Variants in TLE1 observed in about 807,000 individuals in gnomAD.
The protein encoded by TLE1 is transducin-like enhancer protein 1.
In TLE1, 21 loss-of-function variants were observed where a neutral mutation model predicts 89.8. The observed-to-expected ratio is 0.23, with a 90% CI of 0.17 to 0.34. TLE1 has a LOEUF of 0.34. Among genes scored for constraint, TLE1 ranks in the 10% least tolerant of loss-of-function variants. The probability of loss-of-function intolerance (pLI) is 1.00; values close to 1 mark genes in which losing one functional copy is unlikely to be tolerated. For synonymous variants in TLE1, 447 were observed against 407.6 expected (o/e 1.10, Z -1.16); for missense variants, 795 against 1,031.2 (o/e 0.77, Z 3.14).
At chr9:81,644,458 G>T (rs1422550674) in intron 6 of TLE1, among the ~76,000 whole-genome samples, 2 of 152,138 alleles carry the variant, frequency 1.3e-5, no homozygotes, top group Non-Finnish European at 2.9e-5. Context: ...AAGAAGCCAG[G>T]CATACAAGGC....
intron 4 of TLE1, among the ~76,000 whole-genome samples, chr9:81,659,571 G>T (rs1830526712): frequency 6.6e-6 from 1 of 152,112 alleles, no homozygotes; most frequent in Admixed American, 6.6e-5. Flanking sequence ...TTTCTTCATG[G>T]ATGGCCACCA....
At position 81,620,564 on chromosome 9, in the gene TLE1, G is replaced by A; in HGVS notation, c.595-7C>T. ...GGACCAGGAGGGAATTACTCTGCAAGACAAAAAAATTAATCAAAGATTTCT... is the reference window on the plus strand; with the variant it reads ...GGACCAGGAGGGAATTACTCTGCAAAACAAAAAAATTAATCAAAGATTTCT... On this transcript the variant is annotated splice_region_variant and splice_polypyrimidine_tract_variant and intron_variant, in intron 8 of 19. Coordinates refer to ENST00000376499, the MANE Select transcript of TLE1 (RefSeq NM_005077.5). 1 of 1,600,802 alleles carries A rather than the reference G, an allele frequency of 6.2e-7. No individual in the cohort carries two copies. The highest frequency in any genetic ancestry group is 1.1e-5 in the South Asian group (1 of 87,930).
chr9:81,672,566 A>G (rs1832366161), intron 4 of TLE1, among the ~76,000 whole-genome samples: 1 of 151,914 alleles, frequency 6.6e-6, no homozygotes, highest in African/African-American at 2.4e-5. Flanking sequence ...GAAGAAAGAC[A>G]GCACCACAAC....
At position 81,593,274 on chromosome 9, in the gene TLE1, A is replaced by G. The variant is rs1829788967; in HGVS notation, c.1332T>C (p.Pro444=). 1 of 1,603,064 alleles carries G rather than the reference A, an allele frequency of 6.2e-7. No individual in the cohort carries two copies. The highest frequency in any genetic ancestry group is 8.5e-7 in the Non-Finnish European group (1 of 1,170,958). ...PNLAGIPGGK[P]AYSFHVTADG... ...CTGCAGTAACGTGGAAGGAGTATGC[A>G]CTTTTGGAAAAACGATTGGAGAGAA... Residue 444 remains proline, a splice_region_variant and synonymous_variant, in exon 15 of 20, where the codon CCT becomes CCC. Transcript: ENST00000376499.
intron 6 of TLE1, among the ~76,000 whole-genome samples, chr9:81,649,150 G>T (rs758556815): frequency 7.9e-5 from 12 of 152,162 alleles, no homozygotes; most frequent in Non-Finnish European, 2.9e-5. Context: ...AGTCTCTCCA[G>T]TATCAAATAC....
intron 14 of TLE1, 143 bp from the exon 15 acceptor site, chr9:81,593,417 T>C (rs1323687176): frequency 8.4e-7 from 1 of 1,184,742 alleles, no homozygotes; most frequent in Non-Finnish European, 1.2e-6. Flanking sequence ...TCAATACAAA[T>C]TGAAGCATTT....
chr9:81,620,618 C>T (rs1825113672), intron 8 of TLE1, 61 bp from the exon 9 acceptor site: 1 of 1,569,590 alleles, frequency 6.4e-7, no homozygotes, highest in East Asian at 2.2e-5. Context: ...ACATGAAACC[C>T]AACCTCGATG....
intron 4 of TLE1, among the ~76,000 whole-genome samples, chr9:81,679,303 AC>A (rs1403511065): frequency 1.2e-5 from 1 of 80,676 alleles, no homozygotes; most frequent in African/African-American, 4.3e-5. Context: ...ATTTTTCTTC[AC>A]TTTTTTTTCT....
chr9:81,678,742 A>G (rs1390277634), intron 4 of TLE1, among the ~76,000 whole-genome samples: 1 of 151,982 alleles, frequency 6.6e-6, no homozygotes, highest in Non-Finnish European at 1.5e-5. Context: ...TTGAACCTAC[A>G]TACCTGTAAT....
At chr9:81,625,965 C>T (rs778517203) in intron 8 of TLE1, among the ~76,000 whole-genome samples, 1 of 140,512 alleles carries the variant, frequency 7.1e-6, no homozygotes, top group Non-Finnish European at 1.5e-5. Context: ...CCTGTCAATG[C>T]TATCAAACAC....
rs374897058 is a variant in TLE1, at chr9:81,688,268, C to G, written c.-28G>C. ...CTCTGGCGGCGGCCGGGGCTCTGTT[C>G]CCCGGCAACTCAATTCTCCGGTCAA... is the stretch of plus-strand genomic sequence containing the variant. On this transcript the variant is annotated 5_prime_UTR_variant, in exon 1 of 20. Transcript: ENST00000376499. 1 of 1,558,838 alleles carries G rather than the reference C, an allele frequency of 6.4e-7. No individual in the cohort carries two copies. Among genetic ancestry groups the G allele is most frequent in the Non-Finnish European group, 8.6e-7 (1 of 1,157,144 alleles).
chr9:81,665,094 G>A (rs1183532824), intron 4 of TLE1, among the ~76,000 whole-genome samples: 1 of 152,158 alleles, frequency 6.6e-6, no homozygotes, highest in African/African-American at 2.4e-5. Context: ...GAGAGGTCAG[G>A]CCTGTCTCTC....
chr9:81,672,917 T>C (rs1588210705), intron 4 of TLE1, among the ~76,000 whole-genome samples: 2 of 152,194 alleles, frequency 1.3e-5, no homozygotes, highest in South Asian at 2.1e-4. Context: ...CTTAAAGCTA[T>C]TGCCTTCCAA....
chr9:81,686,894 C>T lies in TLE1; in HGVS notation c.125+440G>A, dbSNP rs952770161. On this transcript the variant is annotated intron_variant, in intron 2 of 19. Coordinates refer to ENST00000376499, the MANE Select transcript of TLE1 (RefSeq NM_005077.5). ...GATGGGCAATGTTATAAGCATCTAG[C>T]CTTCCTTAATGGACTTTGCCTCAGA... Among the ~76,000 whole-genome samples, 12 of 152,282 alleles carry T rather than the reference C, an allele frequency of 7.9e-5. No individual in the cohort carries two copies. In the South Asian group the frequency reaches 2.5e-3, roughly 32 times the overall value.
chr9:81,595,369 T>C (rs922026297), intron 14 of TLE1, among the ~76,000 whole-genome samples: 4 of 152,210 alleles, frequency 2.6e-5, no homozygotes, highest in African/African-American at 9.6e-5. Flanking sequence ...AGTCTATTCA[T>C]GTCCTACAAG....
rs369620985 is a variant in TLE1, at chr9:81,618,639, T to G, written c.711+1802A>C. ...CTAACGAAAATCTGTTTTCTCTTGG[T>G]AAAGCCCACAGCAAAGCACAAATGT... On this transcript the variant is annotated intron_variant, in intron 9 of 19. Transcript: ENST00000376499. Among the ~76,000 whole-genome samples the G allele has an allele frequency of 2.0e-5, 3 of 152,168 alleles. No homozygotes were observed. The South Asian group carries it at 6.2e-4, about 32-fold the overall frequency.
At chr9:81,686,222 C>G (rs1834259819) in intron 2 of TLE1, among the ~76,000 whole-genome samples, 1 of 152,204 alleles carries the variant, frequency 6.6e-6, no homozygotes, top group Non-Finnish European at 1.5e-5. Context: ...TCTCTGTACT[C>G]CACCAAAATC....
intron 6 of TLE1, among the ~76,000 whole-genome samples, chr9:81,647,870 G>T (rs1829050198): frequency 1.3e-5 from 2 of 152,276 alleles, no homozygotes; most frequent in South Asian, 4.1e-4. Flanking sequence ...CCATGAAATG[G>T]ACCAACAGGT....
chr9:81,653,024 CAAAT>C (rs777366888), intron 5 of TLE1, among the ~76,000 whole-genome samples: 28 of 151,986 alleles, frequency 1.8e-4, no homozygotes, highest in Non-Finnish European at 3.7e-4. Flanking sequence ...ACTCCACCCA[CAAAT>C]AAAAACAAAG....
Sources: gnomAD v4.1 joint callset for allele counts (sites outside exome capture counted in the v4.1 genomes callset) on GRCh38, gnomAD v4.1.1 for gene constraint, MANE v1.5 for transcripts, NCBI Gene and HGNC (gene_info 2026-07-23, HGNC 2026-07-21) for gene names.